The following OSBPL9 variants were observed in gnomAD, a reference collection of about 807,000 sequenced individuals.
The protein encoded by OSBPL9 is oxysterol binding protein like 9.
In OSBPL9, 40 loss-of-function variants were observed where a neutral mutation model predicts 106.6. That is an observed-to-expected ratio of 0.38 (90% CI 0.29 to 0.49). OSBPL9 has a LOEUF of 0.49. Ranked by LOEUF, OSBPL9 falls within the 20% of genes least tolerant of loss-of-function variation. The pLI is 0.97. For missense variants in OSBPL9, 609 were observed against 887.2 expected (o/e 0.69, Z 3.98); for synonymous variants, 269 against 295.4 (o/e 0.91, Z 0.92).
chr1:51,718,785 C>G (rs1251114293), intron 4 of OSBPL9, among the ~76,000 whole-genome samples: 2 of 152,186 alleles, frequency 1.3e-5, no homozygotes, highest in African/African-American at 2.4e-5. Flanking sequence ...ATAGCCTGTT[C>G]CCTTCTTCAT....
At chr1:51,703,909 G>T (rs572964621) in intron 3 of OSBPL9, among the ~76,000 whole-genome samples, 10 of 152,054 alleles carry the variant, frequency 6.6e-5, no homozygotes, top group African/African-American at 1.7e-4. Flanking sequence ...GGTTTTTGTC[G>T]TTGGTTCTGT....
At chr1:51,602,417 TA>T (rs1645328873) in intron 2 of OSBPL9, among the ~76,000 whole-genome samples, 1 of 144,072 alleles carries the variant, frequency 6.9e-6, no homozygotes. Context: ...CATTTTTTTT[TA>T]ATTTTTTTTT....
the OSBPL9 span, among the ~76,000 whole-genome samples, chr1:51,532,247 A>G: frequency 6.6e-6 from 1 of 152,242 alleles, no homozygotes; most frequent in African/African-American, 2.4e-5. Context: ...ATACCTAGTA[A>G]GGGATACAGA....
chr1:51,712,237 C>A (rs1480213421), intron 3 of OSBPL9, among the ~76,000 whole-genome samples: 1 of 152,240 alleles, frequency 6.6e-6, no homozygotes, highest in Non-Finnish European at 1.5e-5. Flanking sequence ...ACAGCGAAAC[C>A]CCGTCTCCAC....
chr1:51,745,242 C>A, intron 4 of OSBPL9: 1 of 259,474 alleles, frequency 3.9e-6, no homozygotes, highest in Non-Finnish European at 7.3e-6. Context: ...TGACTGGGAG[C>A]CAATTACAGG....
intron 4 of OSBPL9, among the ~76,000 whole-genome samples, chr1:51,715,375 A>G (rs764435093): frequency 2.0e-5 from 3 of 152,222 alleles, no homozygotes; most frequent in Non-Finnish European, 4.4e-5. Context: ...ATAAATGACT[A>G]TAGCATCATT....
intron 3 of OSBPL9, among the ~76,000 whole-genome samples, chr1:51,687,740 G>A (rs1287931699): frequency 6.6e-6 from 1 of 152,224 alleles, no homozygotes; most frequent in Non-Finnish European, 1.5e-5. Context: ...CTTGAGTTGA[G>A]CTGGAACTAG....
the OSBPL9 span, among the ~76,000 whole-genome samples, chr1:51,532,981 TG>T: frequency 3.3e-5 from 5 of 152,124 alleles, no homozygotes; most frequent in South Asian, 2.1e-4. Flanking sequence ...AATTATTAAA[TG>T]GTAATTGGTA....
At chr1:51,780,578 A>T (rs1288930713) in intron 15 of OSBPL9, among the ~76,000 whole-genome samples, 1 of 152,198 alleles carries the variant, frequency 6.6e-6, no homozygotes, top group Non-Finnish European at 1.5e-5. Flanking sequence ...ATCTAGATGG[A>T]GTTGGAAACC....
intron 2 of OSBPL9, among the ~76,000 whole-genome samples, chr1:51,660,578 T>C (rs1402351276): frequency 1.3e-5 from 2 of 152,144 alleles, no homozygotes; most frequent in Non-Finnish European, 2.9e-5. Context: ...AGGTAAAATA[T>C]TGAATGCAAA....
intron 3 of OSBPL9, among the ~76,000 whole-genome samples, chr1:51,683,961 C>T (rs766862943): frequency 2.6e-5 from 4 of 152,018 alleles, no homozygotes; most frequent in Non-Finnish European, 4.4e-5. Context: ...TCAAAGGGTA[C>T]AAAGTTTCAG....
chr1:51,656,955 A>C (rs1197416110), intron 2 of OSBPL9, among the ~76,000 whole-genome samples: 1 of 152,122 alleles, frequency 6.6e-6, no homozygotes, highest in African/African-American at 2.4e-5. Context: ...TGGAAATTAC[A>C]GGCACCAGCG....
chr1:51,556,622 T>C, the OSBPL9 span, among the ~76,000 whole-genome samples: 1 of 151,952 alleles, frequency 6.6e-6, no homozygotes, highest in East Asian at 1.9e-4. Flanking sequence ...CTGTCTCTGC[T>C]AAAAATACAA....
chr1:51,755,128 A>G (rs1670051328), intron 8 of OSBPL9, among the ~76,000 whole-genome samples: 1 of 152,054 alleles, frequency 6.6e-6, no homozygotes, highest in Non-Finnish European at 1.5e-5. Context: ...AAAGTCATGG[A>G]TGTTCTTTAA....
At chr1:51,611,167 A>G (rs1435576243) in intron 2 of OSBPL9, among the ~76,000 whole-genome samples, 4 of 151,466 alleles carry the variant, frequency 2.6e-5, no homozygotes, top group African/African-American at 9.7e-5. Context: ...CCCTTTCTCA[A>G]CTCTCTTTTG....
At chr1:51,576,053 T>G (rs1242995212), upstream of OSBPL9, among the ~76,000 whole-genome samples, 1 of 152,248 alleles carries the variant, frequency 6.6e-6, no homozygotes, top group African/African-American at 2.4e-5. Context: ...TCTATAGGTC[T>G]TCATTTCCTT....
chr1:51,760,549 T>C, intron 9 of OSBPL9, 141 bp from the exon 10 acceptor site: 1 of 1,220,960 alleles, frequency 8.2e-7, no homozygotes, highest in Non-Finnish European at 1.1e-6. Flanking sequence ...AGAAAAGGTG[T>C]TTCATTCCCT....
At chr1:51,684,602 C>T (rs916800776) in intron 3 of OSBPL9, among the ~76,000 whole-genome samples, 2 of 152,150 alleles carry the variant, frequency 1.3e-5, no homozygotes, top group Non-Finnish European at 2.9e-5. Context: ...ATGATCTTGG[C>T]TCACTGCAAC....
chr1:51,535,702 G>C, the OSBPL9 span, among the ~76,000 whole-genome samples: 1,199 of 151,866 alleles, frequency 7.9e-3, 36 homozygotes, highest in East Asian at 0.063. Flanking sequence ...GACTATAGGA[G>C]GATGCCACCA....
Sources: gnomAD v4.1 joint callset for allele counts (sites outside exome capture counted in the v4.1 genomes callset) on GRCh38, gnomAD v4.1.1 for gene constraint, MANE v1.5 for transcripts, NCBI Gene and HGNC (gene_info 2026-07-23, HGNC 2026-07-21) for gene names.